The following OSBPL10 variants were observed in gnomAD, a reference collection of about 807,000 sequenced individuals.
OSBPL10 encodes oxysterol-binding protein-related protein 10.
OSBPL10 carries 49 observed loss-of-function variants against 81.7 expected under a neutral mutation model. That is an observed-to-expected ratio of 0.60 (90% CI 0.48 to 0.76). OSBPL10 has a LOEUF of 0.76. Ranked by LOEUF, OSBPL10 falls within the 30% of genes least tolerant of loss-of-function variation. OSBPL10 has a pLI of 0.00. For synonymous variants in OSBPL10, 419 were observed against 383.6 expected, an observed-to-expected ratio of 1.09 and a Z score of -1.08; for missense variants, 923 against 987.8, an observed-to-expected ratio of 0.93 and a Z score of 0.88.
At chr3:31,905,895 GAA>G (rs59527757) in intron 1 of OSBPL10, among the ~76,000 whole-genome samples, 131 of 144,460 alleles carry the variant, frequency 9.1e-4, no homozygotes, top group African/African-American at 3.1e-3. Flanking sequence ...CTCAAAGAAG[GAA>G]AAAAAAAAAA....
At chr3:31,679,943 G>A (rs1389710776) in intron 8 of OSBPL10, among the ~76,000 whole-genome samples, 1 of 152,106 alleles carries the variant, frequency 6.6e-6, no homozygotes, top group Admixed American at 6.5e-5. Flanking sequence ...CTTTCAATAG[G>A]AAGAGTTACC....
chr3:32,019,265 G>C (rs1224831649), intron 2 of OSBPL10, among the ~76,000 whole-genome samples: 2 of 151,994 alleles, frequency 1.3e-5, no homozygotes, highest in Non-Finnish European at 2.9e-5. Flanking sequence ...CCACCAGGGG[G>C]TAATACATTC....
intron 1 of OSBPL10, among the ~76,000 whole-genome samples, chr3:31,950,552 A>G (rs1697836950): frequency 6.6e-6 from 1 of 152,220 alleles, no homozygotes; most frequent in Non-Finnish European, 1.5e-5. Flanking sequence ...ACTTAACATC[A>G]TCTTATAAAA....
At chr3:31,853,693 G>C (rs1168855265) in intron 3 of OSBPL10, among the ~76,000 whole-genome samples, 1 of 151,962 alleles carries the variant, frequency 6.6e-6, no homozygotes, top group African/African-American at 2.4e-5. Context: ...TCTCTTCTTG[G>C]GCTGAGACAC....
At chr3:31,720,023 T>C (rs1341548649) in intron 6 of OSBPL10, among the ~76,000 whole-genome samples, 2 of 149,270 alleles carry the variant, frequency 1.3e-5, no homozygotes, top group Non-Finnish European at 3.0e-5. Context: ...GTGATTCCAC[T>C]GGTATAAAAA....
intron 4 of OSBPL10, among the ~76,000 whole-genome samples, chr3:31,820,969 A>G (rs901893763): frequency 7.2e-5 from 11 of 152,168 alleles, no homozygotes; most frequent in African/African-American, 2.7e-4. Flanking sequence ...TAAACCAAAA[A>G]CACCTTTAGA....
Position 31,862,624 on chromosome 3 carries a change from A to G in OSBPL10, c.537+13809T>C, listed in dbSNP as rs79341404. Among the ~76,000 whole-genome samples, 1,057 of 152,326 alleles carry G rather than the reference A, an allele frequency of 6.9e-3. 6 individuals are homozygous for G. Among genetic ancestry groups the G allele is most frequent in the Non-Finnish European group, 0.011 (718 of 68,030 alleles). On this transcript the variant is annotated intron_variant, in intron 3 of 11. Transcript: ENST00000396556. ...ATAAATGAATAAAAAAAGACAAAGGATTTTTATATGTATTTCTCCGAAGAG... is the reference window on the plus strand; with the variant it reads ...ATAAATGAATAAAAAAAGACAAAGGGTTTTTATATGTATTTCTCCGAAGAG...
chr3:31,729,793 C>G (rs2168423), intron 6 of OSBPL10, among the ~76,000 whole-genome samples: 145,324 of 152,270 alleles, frequency 0.95, 69,417 homozygotes, highest in East Asian at 1. Context: ...AGCTGCTGCT[C>G]TTGCCACAAC....
At chr3:31,866,201 C>T (rs1701175614) in intron 3 of OSBPL10, among the ~76,000 whole-genome samples, 1 of 152,136 alleles carries the variant, frequency 6.6e-6, no homozygotes, top group Non-Finnish European at 1.5e-5. Context: ...GGATAGAATT[C>T]CCCACTCCTG....
intron 3 of OSBPL10, among the ~76,000 whole-genome samples, chr3:31,842,581 G>A (rs563177311): frequency 1.3e-5 from 2 of 152,356 alleles, no homozygotes; most frequent in South Asian, 2.1e-4. Flanking sequence ...CATAACAGAC[G>A]TTAGAGCACA....
intron 4 of OSBPL10, among the ~76,000 whole-genome samples, chr3:31,780,831 A>AG (rs1698674428): frequency 6.9e-6 from 1 of 144,914 alleles, no homozygotes; most frequent in Non-Finnish European, 1.5e-5. Flanking sequence ...ATTGCCCCCC[A>AG]CCCCCCCAAA....
At chr3:31,883,528 GT>G (rs758735127) in intron 1 of OSBPL10, among the ~76,000 whole-genome samples, 59 of 129,600 alleles carry the variant, frequency 4.6e-4, no homozygotes, top group African/African-American at 1.3e-3. Context: ...GCATGAGCCT[GT>G]TTTTTTTTTG....
At chr3:31,858,143 G>A (rs868402339) in intron 3 of OSBPL10, among the ~76,000 whole-genome samples, 21 of 151,696 alleles carry the variant, frequency 1.4e-4, no homozygotes, top group African/African-American at 5.1e-4. Flanking sequence ...TGGAACTACA[G>A]GAGCACGCCA....
intron 4 of OSBPL10, among the ~76,000 whole-genome samples, chr3:31,766,034 C>T (rs1242886284): frequency 6.6e-6 from 1 of 151,466 alleles, no homozygotes; most frequent in Non-Finnish European, 1.5e-5. Context: ...GGTTTTCACA[C>T]CTTTCTCTCC....
chr3:31,956,207 C>T (rs1377792511), intron 1 of OSBPL10, among the ~76,000 whole-genome samples: 1 of 152,170 alleles, frequency 6.6e-6, no homozygotes, highest in Non-Finnish European at 1.5e-5. Flanking sequence ...ACATTTTGAG[C>T]CTATATAAAT....
chr3:31,671,257 T>C (rs559189540), intron 8 of OSBPL10, among the ~76,000 whole-genome samples: 7 of 152,118 alleles, frequency 4.6e-5, no homozygotes, highest in African/African-American at 1.7e-4. Flanking sequence ...GTAACAGTGA[T>C]AAAGGTAGGA....
chr3:31,832,864 AC>A (rs1048200930), intron 3 of OSBPL10, among the ~76,000 whole-genome samples: 3 of 152,228 alleles, frequency 2.0e-5, no homozygotes, highest in African/African-American at 7.2e-5. Context: ...GCCTCGGCTA[AC>A]AGGCACAGCT....
At chr3:32,039,546 C>T (rs570405007) in intron 2 of OSBPL10, among the ~76,000 whole-genome samples, 18 of 151,730 alleles carry the variant, frequency 1.2e-4, no homozygotes, top group Admixed American at 2.0e-4. Flanking sequence ...GTAATCCCAG[C>T]TTCCCGGGAG....
chr3:31,807,946 A>G (rs1575557853), intron 4 of OSBPL10, among the ~76,000 whole-genome samples: 1 of 152,348 alleles, frequency 6.6e-6, no homozygotes, highest in Non-Finnish European at 1.5e-5. Flanking sequence ...GGGCCATGAT[A>G]TAATGACTTA....
Sources: allele counts gnomAD v4.1 joint callset (sites outside exome capture counted in the v4.1 genomes callset), GRCh38; gene constraint gnomAD v4.1.1; transcripts MANE v1.5; gene names NCBI Gene and HGNC (gene_info 2026-07-23, HGNC 2026-07-21).